Variants in DDX19B observed in about 807,000 individuals in gnomAD.
DDX19B encodes DEAD-box helicase 19B.
A neutral mutation model predicts 58.1 loss-of-function variants in DDX19B; 27 were observed. That is an observed-to-expected ratio of 0.46 (90% CI 0.34 to 0.64). The LOEUF (loss-of-function observed/expected upper bound fraction) is 0.64. Ranked by LOEUF, DDX19B falls within the 30% of genes least tolerant of loss-of-function variation. The pLI is 0.01. For missense variants in DDX19B, 399 were observed against 596.5 expected, an observed-to-expected ratio of 0.67 and a Z score of 3.45; for synonymous variants, 187 against 214.4, an observed-to-expected ratio of 0.87 and a Z score of 1.12.
chr16:70,333,058 G>C lies in DDX19B; in HGVS notation c.1277G>C (p.Arg426Pro). 6.2e-7 allele frequency: 1 copy of C among 1,610,692 alleles called. No individual in the cohort carries two copies. Among genetic ancestry groups the C allele is most frequent in the Non-Finnish European group, 8.5e-7 (1 of 1,178,056 alleles). ...CCTGACAATGAGACCTACCTGCACC[G>C]GATCGGGCGCACGGGCCGCTTTGGC... is the stretch of plus-strand genomic sequence containing the variant. ...GNPDNETYLH[R>P]IGRTGRFGKR... Residue 426 changes from arginine to proline, a missense_variant, in exon 11 of 12, where the codon CGG becomes CCG. Arg to Pro is a moderately radical substitution (Grantham distance 103). Around this residue, in one of 4 missense-constraint regions of DDX19B, gnomAD observed 198 missense variants for 345.9 expected, o/e 0.57. Transcript: ENST00000288071.
upstream of DDX19B, among the ~76,000 whole-genome samples, chr16:70,297,291 C>T (rs919581405): frequency 6.6e-6 from 1 of 152,106 alleles, no homozygotes; most frequent in African/African-American, 2.4e-5. Context: ...CGGCTCACTG[C>T]AACCTTTGCC....
At chr16:70,316,470 A>G (rs1962417584) in intron 4 of DDX19B, among the ~76,000 whole-genome samples, 1 of 152,094 alleles carries the variant, frequency 6.6e-6, no homozygotes, top group Admixed American at 6.6e-5. Flanking sequence ...GGCCTCCCAA[A>G]GCGCTGAGAT....
chr16:70,289,923 C>G (rs1961014045), upstream of DDX19B: 1 of 357,334 alleles, frequency 2.8e-6, no homozygotes, highest in South Asian at 2.0e-5. Flanking sequence ...ACACAGCCCT[C>G]AAAGAGTCTG....
At chr16:70,308,559 T>C (rs1333199388) in intron 1 of DDX19B, among the ~76,000 whole-genome samples, 3 of 151,882 alleles carry the variant, frequency 2.0e-5, no homozygotes, top group Non-Finnish European at 2.9e-5. Flanking sequence ...TTTTAGGAGA[T>C]GGGGTCTCAC....
In DDX19B at chr16:70,329,838, C is replaced by T. The variant is rs1334920391; in HGVS notation, c.793C>T (p.Pro265Ser). The change falls in exon 9 of 12, where the codon CCC (proline) becomes TCC (serine). Residue 265 changes from proline (P) to serine (S), a missense_variant. This residue lies in a region of DDX19B where 198 missense variants were observed against 345.9 expected (regional missense o/e 0.57). Coordinates refer to ENST00000288071, the MANE Select transcript of DDX19B (RefSeq NM_007242.7). ...CAGGGCCTTCCCTTGCAGGATGCTG[C>T]CCAGGAACTGCCAGATGCTGCTTTT... ...DQSIRIQRMLPRNCQMLLFSA... is the reference protein window; with the variant it reads ...DQSIRIQRMLSRNCQMLLFSA... 6.2e-7 allele frequency: 1 copy of T among 1,614,202 alleles called. No homozygotes were observed. The highest frequency in any genetic ancestry group is 8.5e-7 in the Non-Finnish European group (1 of 1,180,032).
chr16:70,294,901 C>T, upstream of DDX19B: 1 of 1,526,928 alleles, frequency 6.5e-7, no homozygotes, highest in Non-Finnish European at 8.7e-7. Context: ...TTTCCCATCA[C>T]CCTGCCTGTG....
intron 10 of DDX19B, 39 bp downstream of exon 10, chr16:70,331,923 G>T: frequency 6.2e-7 from 1 of 1,605,348 alleles, no homozygotes; most frequent in Non-Finnish European, 8.5e-7. Flanking sequence ...TGCCAGGCTT[G>T]GGGTCCCAGG....
At chr16:70,290,744 A>G (rs537621890), upstream of DDX19B, among the ~76,000 whole-genome samples, 75 of 152,252 alleles carry the variant, frequency 4.9e-4, no homozygotes, top group Non-Finnish European at 1.0e-3. Flanking sequence ...AACATTTCAC[A>G]TGCTTATTTC....
chr16:70,301,747 T>G lies in DDX19B; in HGVS notation c.57+2393T>G, dbSNP rs1186026538. ...TCTGTCTATGTTGCCCAATTTGGAG[T>G]GCAGTAGCTATTCACAGGCAGAATC... On this transcript the variant is annotated intron_variant, in intron 1 of 11. Transcript: ENST00000288071. 2.0e-5 allele frequency among the ~76,000 whole-genome samples: 3 copies of G among 150,508 alleles called. No individual in the cohort carries two copies. The East Asian group carries it at 5.8e-4, about 29-fold the overall frequency.
Position 70,325,712 on chromosome 16 carries a change from AATC to A in DDX19B, c.607+29_607+31del, listed in dbSNP as rs746959500. The A allele has an allele frequency of 4.0e-6, 6 of 1,506,554 alleles. No homozygotes were observed. The African/African-American group carries it at 8.3e-5, about 21-fold the overall frequency. 93.3% of individuals were successfully genotyped at this position (1,506,554 alleles called of 1,614,324 possible). Reference sequence around the variant, plus strand: ...ATGTGAGTATGTGAATTTGGTCCTAAATCATCAACCTAATTCTTTTTATTTTGA... The same window carrying A: ...ATGTGAGTATGTGAATTTGGTCCTAAATCAACCTAATTCTTTTTATTTTGA... On this transcript the variant is annotated intron_variant, in intron 7 of 11. Coordinates refer to ENST00000288071, the MANE Select transcript of DDX19B (RefSeq NM_007242.7).
chr16:70,309,515 A>G (rs796899179), intron 1 of DDX19B, among the ~76,000 whole-genome samples: 2 of 143,466 alleles, frequency 1.4e-5, no homozygotes, highest in Non-Finnish European at 3.0e-5. Context: ...ACAAACAAAC[A>G]AACAAAAAGA....
At chr16:70,309,265 G>A (rs529630696) in intron 1 of DDX19B, among the ~76,000 whole-genome samples, 1 of 152,188 alleles carries the variant, frequency 6.6e-6, no homozygotes, top group Non-Finnish European at 1.5e-5. Flanking sequence ...GGAGGCCGAG[G>A]CGGGCAGATC....
At chr16:70,332,292 G>A (rs1199442390) in intron 10 of DDX19B, among the ~76,000 whole-genome samples, 3 of 152,076 alleles carry the variant, frequency 2.0e-5, no homozygotes, top group African/African-American at 4.8e-5. Flanking sequence ...GAGTTGGCCT[G>A]TCCCAAATGT....
intron 1 of DDX19B, among the ~76,000 whole-genome samples, chr16:70,299,716 C>T (rs990026040): frequency 6.6e-6 from 1 of 152,166 alleles, no homozygotes; most frequent in African/African-American, 2.4e-5. Context: ...TATCTTCCTG[C>T]CTCGGCCTTT....
chr16:70,293,953 A>G (rs560358863), upstream of DDX19B, among the ~76,000 whole-genome samples: 2 of 151,908 alleles, frequency 1.3e-5, no homozygotes, highest in African/African-American at 4.8e-5. Flanking sequence ...ATTTCAATTG[A>G]GCATATTATA....
At position 70,334,652 on chromosome 16, in the gene DDX19B, G is replaced by A. The variant is rs1963636116; in HGVS notation, c.*1070G>A. 1 of 152,152 alleles carries A rather than the reference G, an allele frequency of 6.6e-6. No homozygotes were observed. The allele number at this position is 152,152 out of a possible 1,614,324, so 9.4% of individuals were successfully genotyped here. A position where few individuals can be genotyped will look rare whatever the true frequency, so the allele number is the denominator to read the frequency against. On this transcript the variant is annotated 3_prime_UTR_variant, in exon 12 of 12. Transcript: ENST00000288071. ...TGAACATCTGTGTTTACTGCCTTTG[G>A]AATACAAACAGGTGCAACTGAGGGA...
chr16:70,297,362 A>G (rs996260684), upstream of DDX19B, among the ~76,000 whole-genome samples: 2 of 151,790 alleles, frequency 1.3e-5, no homozygotes, highest in Non-Finnish European at 2.9e-5. Context: ...ACAGGTGTGC[A>G]CCACCATGCT....
chr16:70,322,469 TC>T, intron 5 of DDX19B, among the ~76,000 whole-genome samples: 2 of 150,642 alleles, frequency 1.3e-5, no homozygotes, highest in East Asian at 3.9e-4. Context: ...TGCATACCAG[TC>T]CCAGCTACTC....
upstream of DDX19B, chr16:70,294,834 T>G: frequency 1.3e-6 from 2 of 1,497,584 alleles, no homozygotes; most frequent in Non-Finnish European, 1.8e-6. Context: ...GTAACTGCCA[T>G]GCTCAGCCGC....
Sources: allele counts gnomAD v4.1 joint callset (sites outside exome capture counted in the v4.1 genomes callset), GRCh38; gene constraint gnomAD v4.1.1; regional missense constraint gnomAD v4.1.1; transcripts MANE v1.5; gene names NCBI Gene and HGNC (gene_info 2026-07-23, HGNC 2026-07-21).